Variants in RGS7 observed in about 807,000 individuals in gnomAD.
RGS7 encodes the protein regulator of G-protein signaling 7.
In RGS7, 27 loss-of-function variants were observed where a neutral mutation model predicts 81.1. The ratio of observed to expected loss-of-function variants is 0.33; its 90% CI spans 0.25 to 0.46. The LOEUF (loss-of-function observed/expected upper bound fraction) is 0.46, where lower values mean the gene tolerates loss of function less well. Among genes scored for constraint, RGS7 ranks in the 20% least tolerant of loss-of-function variants. RGS7 has a pLI of 1.00. For missense variants in RGS7, 396 were observed against 607.4 expected (o/e 0.65, Z 3.66); for synonymous variants, 208 against 207.7 (o/e 1.00, Z -0.01).
intron 4 of RGS7, among the ~76,000 whole-genome samples, chr1:240,971,641 G>A (rs1473034978): frequency 6.6e-6 from 1 of 152,124 alleles, no homozygotes; most frequent in Non-Finnish European, 1.5e-5. Context: ...GAATGTTTGG[G>A]TAATATCTAT....
intron 3 of RGS7, among the ~76,000 whole-genome samples, chr1:241,061,845 T>C (rs2061754498): frequency 6.6e-6 from 1 of 152,176 alleles, no homozygotes; most frequent in South Asian, 2.1e-4. Flanking sequence ...CTATTATCTA[T>C]TACATCTGCC....
chr1:241,351,714 G>A (rs1469543876), intron 2 of RGS7, among the ~76,000 whole-genome samples: 1 of 152,180 alleles, frequency 6.6e-6, no homozygotes, highest in Non-Finnish European at 1.5e-5. Flanking sequence ...GGAGAATGGA[G>A]GAGAGAATGG....
intron 2 of RGS7, among the ~76,000 whole-genome samples, chr1:241,308,251 C>G (rs1260768587): frequency 6.6e-6 from 1 of 152,156 alleles, no homozygotes; most frequent in Non-Finnish European, 1.5e-5. Context: ...CCTGTTCTCT[C>G]AATCAAATCC....
At chr1:240,799,663 T>TA (rs888165804) in intron 18 of RGS7, among the ~76,000 whole-genome samples, 1 of 151,800 alleles carries the variant, frequency 6.6e-6, no homozygotes, top group African/African-American at 2.4e-5. Context: ...CGAATAATCT[T>TA]AAAAAAAAGG....
chr1:241,089,993 C>CA (rs10716500), intron 3 of RGS7, among the ~76,000 whole-genome samples: 6,032 of 92,770 alleles, frequency 0.065, 231 homozygotes, highest in Non-Finnish European at 0.083. Context: ...GACTCCATCT[C>CA]AAAAAAAAAA....
At chr1:240,779,048 C>T (rs1305862612) in intron 18 of RGS7, among the ~76,000 whole-genome samples, 3 of 151,536 alleles carry the variant, frequency 2.0e-5, no homozygotes, top group African/African-American at 4.9e-5. Flanking sequence ...GGGGGCTTTG[C>T]GAAGTGACCA....
intron 2 of RGS7, among the ~76,000 whole-genome samples, chr1:241,238,966 C>CTT (rs66468032): frequency 1.1e-4 from 12 of 106,618 alleles, no homozygotes; most frequent in African/African-American, 1.8e-4. Context: ...GCCTCTCTCT[C>CTT]TTTTTTTTTT....
At chr1:241,067,799 G>A (rs1003980164) in intron 3 of RGS7, among the ~76,000 whole-genome samples, 52 of 152,098 alleles carry the variant, frequency 3.4e-4, no homozygotes, top group Admixed American at 2.0e-4. Context: ...ACAGGCATGA[G>A]CCACTGCACC....
At chr1:240,920,224 GC>G in intron 6 of RGS7, 1 of 1,178,570 alleles carries the variant, frequency 8.5e-7, no homozygotes, top group Non-Finnish European at 1.3e-6. Context: ...GCTTCATGCA[GC>G]CAAAGAGGTC....
chr1:240,993,868 T>G (rs1686887303), intron 3 of RGS7, among the ~76,000 whole-genome samples: 1 of 152,178 alleles, frequency 6.6e-6, no homozygotes, highest in Non-Finnish European at 1.5e-5. Flanking sequence ...GTTGTGAGAC[T>G]TAGGTGGAAC....
chr1:241,133,791 C>A (rs1407617492), intron 2 of RGS7, among the ~76,000 whole-genome samples: 1 of 152,136 alleles, frequency 6.6e-6, no homozygotes, highest in Non-Finnish European at 1.5e-5. Flanking sequence ...CAGTTAATAC[C>A]AAGTTTAGGT....
intron 2 of RGS7, among the ~76,000 whole-genome samples, chr1:241,295,187 G>A (rs572090762): frequency 1.2e-4 from 19 of 152,112 alleles, no homozygotes; most frequent in East Asian, 5.8e-4. Context: ...GGTGGCTCAC[G>A]CCTGTAATCC....
chr1:241,103,867 C>T (rs1034328627), intron 2 of RGS7, among the ~76,000 whole-genome samples: 1 of 152,188 alleles, frequency 6.6e-6, no homozygotes, highest in Admixed American at 6.5e-5. Context: ...GAATGAGACT[C>T]TGTCTCAAAA....
chr1:240,889,534 A>G (rs1667939584), intron 6 of RGS7, among the ~76,000 whole-genome samples: 1 of 152,104 alleles, frequency 6.6e-6, no homozygotes, highest in Non-Finnish European at 1.5e-5. Flanking sequence ...GAGCTGTGAG[A>G]GCAGTGATAT....
intron 6 of RGS7, among the ~76,000 whole-genome samples, chr1:240,924,982 G>A (rs1051054490): frequency 6.6e-6 from 1 of 152,132 alleles, no homozygotes; most frequent in African/African-American, 2.4e-5. Flanking sequence ...ATACAAGTAA[G>A]TACAGGGGAG....
chr1:241,064,301 T>C (rs2061924193), intron 3 of RGS7, among the ~76,000 whole-genome samples: 1 of 151,606 alleles, frequency 6.6e-6, no homozygotes, highest in South Asian at 2.1e-4. Flanking sequence ...AAAATGCAGA[T>C]TCTGCTGGGT....
chr1:241,072,553 A>G (rs574629138), intron 3 of RGS7, among the ~76,000 whole-genome samples: 2 of 152,230 alleles, frequency 1.3e-5, no homozygotes, highest in South Asian at 4.1e-4. Context: ...CAGCTCTAGT[A>G]TGAAATTGAC....
chr1:241,231,243 A>T (rs557813603), intron 2 of RGS7, among the ~76,000 whole-genome samples: 1 of 152,318 alleles, frequency 6.6e-6, no homozygotes, highest in Non-Finnish European at 1.5e-5. Flanking sequence ...TTCATTTTAC[A>T]AATGAAAGAG....
At chr1:240,983,209 T>C in intron 3 of RGS7, 80 bp from the exon 4 acceptor site, 1 of 742,704 alleles carries the variant, frequency 1.3e-6, no homozygotes, top group African/African-American at 1.8e-5. Flanking sequence ...TCTCCACCTT[T>C]GGTGCTCATA....
Sources: allele counts gnomAD v4.1 joint callset (sites outside exome capture counted in the v4.1 genomes callset), GRCh38; gene constraint gnomAD v4.1.1; transcripts MANE v1.5; gene names NCBI Gene and HGNC (gene_info 2026-07-23, HGNC 2026-07-21).